DMD: variants seen among roughly 807,000 people sequenced by gnomAD.
DMD encodes dystrophin.
DMD carries 63 observed loss-of-function variants against 330.1 expected under a neutral mutation model. The ratio of observed to expected loss-of-function variants is 0.19; its 90% CI spans 0.16 to 0.24. DMD has a LOEUF of 0.24. Among genes scored for constraint, DMD ranks in the 10% least tolerant of loss-of-function variants. The pLI is 1.00. For missense variants in DMD, 3,344 were observed against 2,684.1 expected (o/e 1.25, Z -5.43); for synonymous variants, 1,223 against 959.8 (o/e 1.27, Z -5.07).
chrX:33,200,317 GTAT>G (rs1356771764), intron 1 of DMD, among the ~76,000 whole-genome samples: 1 of 110,375 alleles, frequency 9.1e-6, no homozygotes, highest in African/African-American at 3.3e-5. Context: ...ATTCAGTGTT[GTAT>G]TATTTATCAT....
chrX:32,418,972 C>CGAAAAAAAAAA (rs2098177826), intron 29 of DMD, among the ~76,000 whole-genome samples: 1 of 13,511 alleles, frequency 7.4e-5, no homozygotes, highest in African/African-American at 2.2e-4. Flanking sequence ...GACTCTGTCT[C>CGAAAAAAAAAA]AAAAAAAAAA....
chrX:31,347,305 G>C (rs1008980934), intron 61 of DMD, among the ~76,000 whole-genome samples: 49 of 110,544 alleles, frequency 4.4e-4, no homozygotes, highest in Admixed American at 2.0e-3. Context: ...GTTAACTACA[G>C]TCACTCTATT....
intron 34 of DMD, among the ~76,000 whole-genome samples, chrX:32,366,172 A>T (rs2097853883): frequency 8.9e-6 from 1 of 112,074 alleles, no homozygotes; most frequent in African/African-American, 3.2e-5. Flanking sequence ...GGAAAAAGTG[A>T]TCTTAGTACA....
intron 61 of DMD, among the ~76,000 whole-genome samples, chrX:31,326,273 G>A (rs2056782020): frequency 9.0e-6 from 1 of 111,011 alleles, no homozygotes; most frequent in African/African-American, 3.3e-5. Flanking sequence ...TTAAATGTCA[G>A]AGAAGTTATC....
intron 30 of DMD, 31 bp from the exon 31 acceptor site, chrX:32,390,212 T>C (rs1355800819): frequency 6.6e-6 from 7 of 1,057,084 alleles, no homozygotes; most frequent in Non-Finnish European, 9.2e-6. Context: ...TTAGTCAGCA[T>C]GCTCTACAAA....
intron 1 of DMD, among the ~76,000 whole-genome samples, chrX:33,220,640 C>T (rs2052156899): frequency 8.9e-6 from 1 of 111,811 alleles, no homozygotes; most frequent in Admixed American, 9.5e-5. Flanking sequence ...TTTTTAGTTG[C>T]TTTATCACTA....
At chrX:31,866,683 A>G (rs1314736967) in intron 48 of DMD, among the ~76,000 whole-genome samples, 2 of 112,422 alleles carry the variant, frequency 1.8e-5, no homozygotes, top group Admixed American at 1.9e-4. Flanking sequence ...TAATCAATAT[A>G]TGTAAATAAA....
At chrX:31,521,034 G>A (rs1303036002) in intron 55 of DMD, among the ~76,000 whole-genome samples, 2 of 111,673 alleles carry the variant, frequency 1.8e-5, no homozygotes, top group Non-Finnish European at 3.8e-5. Flanking sequence ...CCCCAAAAGA[G>A]CAAGGTTTGG....
intron 74 of DMD, among the ~76,000 whole-genome samples, chrX:31,151,641 G>C (rs778484949): frequency 8.9e-6 from 1 of 112,427 alleles, no homozygotes; most frequent in South Asian, 3.7e-4. Context: ...AACAGAAAAG[G>C]CTCATTTTAA....
In DMD at chrX:32,688,234, TG is replaced by T. The variant is rs201405358; in HGVS notation, c.960+9635del. 9.0e-3 allele frequency among the ~76,000 whole-genome samples: 997 copies of T among 111,331 alleles called. 14 individuals are homozygous for T. Among genetic ancestry groups the T allele is most frequent in the African/African-American group, 0.03 (926 of 30,647 alleles). ...TTAAATGAGAGCATTCAAATATCCT[TG>T]GTTCGCAAAAATTGACTCTATTTTT... On this transcript the variant is annotated intron_variant, in intron 9 of 78. Coordinates refer to ENST00000357033, the MANE Select transcript of DMD (RefSeq NM_004006.3).
chrX:33,107,341 A>C (rs557920709), intron 1 of DMD, among the ~76,000 whole-genome samples: 1 of 100,024 alleles, frequency 1.0e-5, no homozygotes, highest in African/African-American at 3.6e-5. Flanking sequence ...CACAAAAAAA[A>C]CAGCAACAAC....
intron 7 of DMD, among the ~76,000 whole-genome samples, chrX:32,750,277 C>A (rs2070642908): frequency 9.0e-6 from 1 of 111,510 alleles, no homozygotes; most frequent in Admixed American, 9.5e-5. Context: ...CTTGAGAAAG[C>A]TAGTTTCTTC....
rs147603629 is a variant in DMD at position 32,700,104 on chromosome X, T to A, written c.650-811A>T. ...TCATTTGCTACTTGGCATTAAAATTTACTTACTGCACTCATTCCAGTGAAC... is the reference window on the plus strand; with the variant it reads ...TCATTTGCTACTTGGCATTAAAATTAACTTACTGCACTCATTCCAGTGAAC... On this transcript the variant is annotated intron_variant, in intron 7 of 78. Coordinates refer to ENST00000357033, the MANE Select transcript of DMD (RefSeq NM_004006.3). 6.1e-3 allele frequency among the ~76,000 whole-genome samples: 685 copies of A among 111,901 alleles called. 9 individuals carry two copies. The highest frequency in any genetic ancestry group is 0.021 in the African/African-American group (664 of 30,926).
intron 19 of DMD, among the ~76,000 whole-genome samples, chrX:32,494,336 T>C (rs906383227): frequency 1.8e-5 from 2 of 111,374 alleles, no homozygotes; most frequent in Non-Finnish European, 3.8e-5. Context: ...TCTTTATAAC[T>C]GAATGCAGGC....
At chrX:33,122,995 T>A (rs756423594) in intron 1 of DMD, among the ~76,000 whole-genome samples, 1 of 112,490 alleles carries the variant, frequency 8.9e-6, no homozygotes, top group Non-Finnish European at 1.9e-5. Flanking sequence ...AAACTGCATA[T>A]ACCGCAGTGG....
At chrX:31,909,321 AC>A (rs2094518157) in intron 47 of DMD, among the ~76,000 whole-genome samples, 1 of 110,941 alleles carries the variant, frequency 9.0e-6, no homozygotes, top group African/African-American at 3.3e-5. Context: ...TGAGCATGTG[AC>A]CTAATTCAGG....
At chrX:31,548,553 T>A (rs1430971030) in intron 55 of DMD, among the ~76,000 whole-genome samples, 2 of 108,471 alleles carry the variant, frequency 1.8e-5, no homozygotes, top group Non-Finnish European at 3.8e-5. Context: ...TAGCTTTTTC[T>A]TTTTCTTTTT....
chrX:31,239,668 T>A (rs937097610), intron 63 of DMD, among the ~76,000 whole-genome samples: 2 of 111,701 alleles, frequency 1.8e-5, no homozygotes, highest in African/African-American at 6.5e-5. Context: ...TTGACAAACA[T>A]CTGACTGGAA....
chrX:32,732,457 T>C (rs1281705600), intron 7 of DMD, among the ~76,000 whole-genome samples: 2 of 110,125 alleles, frequency 1.8e-5, no homozygotes, highest in African/African-American at 3.3e-5. Context: ...AGACACATAA[T>C]TGTCAGATTC....
Sources: allele counts gnomAD v4.1 joint callset (sites outside exome capture counted in the v4.1 genomes callset), GRCh38; gene constraint gnomAD v4.1.1; transcripts MANE v1.5; gene names NCBI Gene and HGNC (gene_info 2026-07-23, HGNC 2026-07-21).